The following VAPA variants were observed in gnomAD, a reference collection of about 807,000 sequenced individuals.
VAPA encodes the protein VAMP associated protein A.
Under a neutral mutation model 25.6 loss-of-function variants are expected in VAPA, and 6 were observed. The observed-to-expected ratio is 0.23, with a 90% CI of 0.13 to 0.46. The LOEUF is 0.46. Among genes scored for constraint, VAPA ranks in the 20% least tolerant of loss-of-function variants. The pLI, the probability that VAPA is intolerant of heterozygous loss-of-function variation, is 0.99. For missense variants in VAPA, 244 were observed against 302.1 expected (o/e 0.81, Z 1.43); for synonymous variants, 112 against 106.2 (o/e 1.05, Z -0.34).
At chr18:9,921,054 C>A (rs774978341) in intron 1 of VAPA, among the ~76,000 whole-genome samples, 7 of 152,212 alleles carry the variant, frequency 4.6e-5, no homozygotes, top group Non-Finnish European at 8.8e-5. Flanking sequence ...CCAAACTATA[C>A]TATGAACTCT....
chr18:9,942,931 C>T (rs1002817887), intron 4 of VAPA, among the ~76,000 whole-genome samples: 1 of 152,290 alleles, frequency 6.6e-6, no homozygotes, highest in African/African-American at 2.4e-5. Context: ...AGATCCAAAC[C>T]ATATCAAGTA....
intron 4 of VAPA, among the ~76,000 whole-genome samples, chr18:9,942,787 TC>T (rs1333191635): frequency 1.3e-5 from 2 of 152,256 alleles, no homozygotes; most frequent in East Asian, 3.9e-4. Flanking sequence ...AGAACTCTTA[TC>T]ATGGGAACAG....
intron 1 of VAPA, among the ~76,000 whole-genome samples, chr18:9,917,616 A>G (rs2069122673): frequency 6.6e-6 from 1 of 152,218 alleles, no homozygotes; most frequent in Admixed American, 6.5e-5. Context: ...TTGAAGAAGA[A>G]AGTTTATAAA....
intron 1 of VAPA, among the ~76,000 whole-genome samples, chr18:9,917,034 AAG>A (rs1380698151): frequency 6.6e-6 from 1 of 152,254 alleles, no homozygotes; most frequent in Non-Finnish European, 1.5e-5. Context: ...ATTTAAAAAA[AAG>A]TTTGTTTTAT....
At chr18:9,950,822 T>G (rs1020528423) in intron 5 of VAPA, 2 of 407,474 alleles carry the variant, frequency 4.9e-6, no homozygotes, top group African/African-American at 2.0e-5. Flanking sequence ...GCTTCTGCTC[T>G]TGTTTCTCAT....
chr18:9,954,254 T>TG lies in VAPA; in HGVS notation c.*44dup. ...GCTGTTTCTTTTTTTTTTTTTCTCTTGACCAGAAAAAGATTTGTTTACCTA... is the reference window on the plus strand; with the variant it reads ...GCTGTTTCTTTTTTTTTTTTTCTCTTGGACCAGAAAAAGATTTGTTTACCTA... On this transcript the variant is annotated 3_prime_UTR_variant, in exon 6 of 6. Coordinates refer to ENST00000400000, the MANE Select transcript of VAPA (RefSeq NM_194434.3). The TG allele has an allele frequency of 6.5e-7, 1 of 1,534,216 alleles. No individual in the cohort carries two copies. Among genetic ancestry groups the TG allele is most frequent in the Non-Finnish European group, 8.8e-7 (1 of 1,137,340 alleles).
chr18:9,930,222 G>T (rs2069239791), intron 1 of VAPA, among the ~76,000 whole-genome samples: 2 of 151,896 alleles, frequency 1.3e-5, no homozygotes, highest in African/African-American at 4.8e-5. Flanking sequence ...AAATAATTAG[G>T]CATTCACTAT....
intron 1 of VAPA, among the ~76,000 whole-genome samples, chr18:9,926,897 A>G (rs1267529296): frequency 1.3e-5 from 2 of 152,144 alleles, no homozygotes; most frequent in African/African-American, 4.8e-5. Flanking sequence ...CAGAAATGCT[A>G]GAGGCCCATG....
At chr18:9,919,385 A>G (rs1256719507) in intron 1 of VAPA, among the ~76,000 whole-genome samples, 1 of 152,234 alleles carries the variant, frequency 6.6e-6, no homozygotes, top group East Asian at 1.9e-4. Flanking sequence ...CATGTCAGGT[A>G]TGATGAATAA....
Position 9,950,416 on chromosome 18 carries a change from G to A in VAPA, c.439G>A (p.Ala147Thr). 1 of 1,613,652 alleles carries A rather than the reference G, an allele frequency of 6.2e-7. No individual in the cohort carries two copies. The highest frequency in any genetic ancestry group is 8.5e-7 in the Non-Finnish European group (1 of 1,179,894). ...GCAGAATGATATGGAACCTAGCAAA[G>A]CTGTTCCACTGAATGCATCTAAGCA... The part of the protein sequence containing the change: ...DKLNDMEPSK[A>T]VPLNASKQDG... Residue 147 changes from alanine to threonine, a missense_variant, in exon 5 of 6, where the codon GCT (alanine) becomes ACT (threonine). Around this residue, in one of 2 missense-constraint regions of VAPA, gnomAD observed 145 missense variants for 140.6 expected, o/e 1.03. Transcript: ENST00000400000.
chr18:9,917,652 T>A (rs2069122893), intron 1 of VAPA, among the ~76,000 whole-genome samples: 1 of 152,220 alleles, frequency 6.6e-6, no homozygotes, highest in Non-Finnish European at 1.5e-5. Flanking sequence ...TCAAATATAT[T>A]CTTAATGATC....
chr18:9,920,582 G>A (rs748141995), intron 1 of VAPA, among the ~76,000 whole-genome samples: 39 of 152,370 alleles, frequency 2.6e-4, no homozygotes, highest in Non-Finnish European at 5.1e-4. Flanking sequence ...ACAGGCGTGA[G>A]CCACTGTGCC....
intron 1 of VAPA, among the ~76,000 whole-genome samples, chr18:9,926,389 C>T (rs1321199679): frequency 6.6e-6 from 1 of 152,124 alleles, no homozygotes; most frequent in Non-Finnish European, 1.5e-5. Context: ...GAGCACCCAG[C>T]CTTCCTCATT....
At chr18:9,924,468 C>CA (rs748722856) in intron 1 of VAPA, among the ~76,000 whole-genome samples, 13 of 152,134 alleles carry the variant, frequency 8.5e-5, no homozygotes, top group Non-Finnish European at 1.8e-4. Context: ...TGTTGCAAAT[C>CA]AAAGTGTTCC....
intron 1 of VAPA, among the ~76,000 whole-genome samples, chr18:9,918,675 C>G (rs2069132704): frequency 6.6e-6 from 1 of 152,174 alleles, no homozygotes; most frequent in African/African-American, 2.4e-5. Flanking sequence ...TGTGAACTTT[C>G]TTTGTTCATT....
At chr18:9,944,010 C>T (rs546436317) in intron 4 of VAPA, among the ~76,000 whole-genome samples, 6 of 151,558 alleles carry the variant, frequency 4.0e-5, no homozygotes, top group South Asian at 2.1e-4. Flanking sequence ...TACAGGTGCC[C>T]GCCACCACGC....
chr18:9,936,752 C>A, intron 3 of VAPA: 3 of 436,396 alleles, frequency 6.9e-6, no homozygotes, highest in South Asian at 4.5e-5. Context: ...GAAGAAAGTC[C>A]TATGGTTGCT....
At position 9,956,451 on chromosome 18, in the gene VAPA, A is replaced by G. The variant is rs368005894; in HGVS notation, c.*2240A>G. The stretch of plus-strand genomic sequence containing the variant: ...TTGGTAATAAACATTACAAAATACA[A>G]TGTATTTTTAGGTAGGCATTTTATA... On this transcript the variant is annotated 3_prime_UTR_variant, in exon 6 of 6. Coordinates refer to ENST00000400000, the MANE Select transcript of VAPA (RefSeq NM_194434.3). The G allele has an allele frequency of 1.0e-4, 16 of 152,608 alleles. No individual in the cohort carries two copies. Among genetic ancestry groups the G allele is most frequent in the African/African-American group, 2.4e-4 (10 of 41,556 alleles). 9.5% of individuals were successfully genotyped at this position (152,608 alleles called of 1,614,324 possible). A position where few individuals can be genotyped will look rare whatever the true frequency, so the allele number is the denominator to read the frequency against.
At chr18:9,930,178 A>G (rs2069239376) in intron 1 of VAPA, among the ~76,000 whole-genome samples, 1 of 152,190 alleles carries the variant, frequency 6.6e-6, no homozygotes, top group South Asian at 2.1e-4. Flanking sequence ...AAACTTACAT[A>G]ATTATGTTAT....
Sources: gnomAD v4.1 joint callset for allele counts (sites outside exome capture counted in the v4.1 genomes callset) on GRCh38, gnomAD v4.1.1 for gene constraint, gnomAD v4.1.1 regional missense constraint, MANE v1.5 for transcripts, NCBI Gene and HGNC (gene_info 2026-07-23, HGNC 2026-07-21) for gene names.